The following ROBO1 variants were observed in gnomAD, a reference collection of about 807,000 sequenced individuals.
ROBO1 encodes roundabout guidance receptor 1, also known as roundabout homolog 1.
ROBO1 carries 149 observed loss-of-function variants against 195.9 expected under a neutral mutation model. That is an observed-to-expected ratio of 0.76 (90% CI 0.67 to 0.87). The LOEUF (loss-of-function observed/expected upper bound fraction) is 0.87, where lower values mean the gene tolerates loss of function less well. ROBO1 is among the 40% of genes least tolerant of loss of function. ROBO1 has a pLI of 0.00. For synonymous variants in ROBO1, 816 were observed against 733.2 expected (o/e 1.11, Z -1.82); for missense variants, 1,933 against 2,068.3 (o/e 0.93, Z 1.27).
chr3:78,732,280 T>C (rs1170335217), intron 5 of ROBO1, among the ~76,000 whole-genome samples: 1 of 152,060 alleles, frequency 6.6e-6, no homozygotes, highest in Non-Finnish European at 1.5e-5. Context: ...GAAGAACAAA[T>C]AGGTGCTATC....
intron 1 of ROBO1, among the ~76,000 whole-genome samples, chr3:79,723,943 A>G (rs1702806421): frequency 6.6e-6 from 1 of 152,222 alleles, no homozygotes; most frequent in Admixed American, 6.5e-5. Flanking sequence ...ACTGCCTTTC[A>G]TAGATTAGAA....
chr3:79,575,820 G>A (rs1379056113), intron 2 of ROBO1, among the ~76,000 whole-genome samples: 1 of 151,518 alleles, frequency 6.6e-6, no homozygotes, highest in Non-Finnish European at 1.5e-5. Flanking sequence ...CATCATTGTA[G>A]TCTAAAAATA....
At chr3:79,747,865 C>A (rs1703942352) in intron 1 of ROBO1, among the ~76,000 whole-genome samples, 1 of 151,824 alleles carries the variant, frequency 6.6e-6, no homozygotes, top group African/African-American at 2.4e-5. Flanking sequence ...GATCAAATAA[C>A]ACCACTATAA....
intron 2 of ROBO1, among the ~76,000 whole-genome samples, chr3:79,540,631 G>A (rs13084871): frequency 0.73 from 110,840 of 152,066 alleles, 41,512 homozygotes; most frequent in African/African-American, 0.92. Flanking sequence ...TGCTTTTAAC[G>A]TCTGAGTTCT....
intron 2 of ROBO1, among the ~76,000 whole-genome samples, chr3:79,488,301 T>C (rs116686819): frequency 0.013 from 1,915 of 152,196 alleles, 19 homozygotes; most frequent in Non-Finnish European, 0.018. Context: ...GCCCAACAAA[T>C]GGAGGGGGAA....
At chr3:79,203,947 T>C (rs1163708465) in intron 2 of ROBO1, among the ~76,000 whole-genome samples, 1 of 152,206 alleles carries the variant, frequency 6.6e-6, no homozygotes, top group African/African-American at 2.4e-5. Flanking sequence ...TGTGTGCAAT[T>C]GGTATCCTTT....
intron 3 of ROBO1, among the ~76,000 whole-genome samples, chr3:79,122,525 T>C (rs1283581484): frequency 2.6e-5 from 4 of 152,020 alleles, no homozygotes; most frequent in Non-Finnish European, 4.4e-5. Flanking sequence ...GAATGGTATA[T>C]GATATAAGCA....
Position 79,523,761 on chromosome 3 carries a change from A to G in ROBO1, c.88+66063T>C, listed in dbSNP as rs149581906. On this transcript the variant is annotated intron_variant, in intron 2 of 30. Coordinates refer to ENST00000464233, the MANE Select transcript of ROBO1 (RefSeq NM_002941.4). ...AGTGCTGGGATTACAGGCATGAGCC[A>G]CTGCGCTCGGCCTAGACTTTGCATT... Among the ~76,000 whole-genome samples, 296 of 152,292 alleles carry G rather than the reference A, an allele frequency of 1.9e-3. 1 individual carries two copies. The highest frequency in any genetic ancestry group is 6.7e-3 in the African/African-American group (278 of 41,564).
intron 21 of ROBO1, among the ~76,000 whole-genome samples, chr3:78,644,533 AAATGATCATTTCTACTT>A (rs1257609388): frequency 6.6e-6 from 1 of 152,194 alleles, no homozygotes; most frequent in East Asian, 1.9e-4. Context: ...TCATTTAGGA[AAATGATCATTTCTACTT>A]ACTATTTGAA....
intron 1 of ROBO1, among the ~76,000 whole-genome samples, chr3:79,746,166 T>C (rs1163582005): frequency 6.6e-6 from 1 of 152,076 alleles, no homozygotes; most frequent in Non-Finnish European, 1.5e-5. Flanking sequence ...GGGAAAGTTT[T>C]CAATTCCATT....
intron 10 of ROBO1, among the ~76,000 whole-genome samples, chr3:78,676,349 A>T (rs1360305266): frequency 6.6e-6 from 1 of 152,232 alleles, no homozygotes; most frequent in Non-Finnish European, 1.5e-5. Context: ...GAGTTGAGAG[A>T]AGAAGGCTTC....
intron 2 of ROBO1, among the ~76,000 whole-genome samples, chr3:79,275,515 G>C (rs1003313935): frequency 1.6e-4 from 24 of 151,886 alleles, no homozygotes; most frequent in African/African-American, 5.3e-4. Context: ...CAGACCCATA[G>C]CTGGTATCAT....
At chr3:79,614,044 A>G (rs933697568) in intron 1 of ROBO1, among the ~76,000 whole-genome samples, 1 of 152,110 alleles carries the variant, frequency 6.6e-6, no homozygotes, top group African/African-American at 2.4e-5. Context: ...AAAGAAATAG[A>G]GAAAACTACA....
intron 4 of ROBO1, among the ~76,000 whole-genome samples, chr3:78,828,191 C>A (rs1188370047): frequency 6.6e-6 from 1 of 152,084 alleles, no homozygotes; most frequent in Non-Finnish European, 1.5e-5. Context: ...ATTAATTTTA[C>A]TTCCTCTTCT....
chr3:79,554,368 A>G (rs1214820813), intron 2 of ROBO1, among the ~76,000 whole-genome samples: 1 of 152,084 alleles, frequency 6.6e-6, no homozygotes, highest in Non-Finnish European at 1.5e-5. Context: ...AGCAAAGCAC[A>G]AATAAAATGT....
chr3:78,802,707 G>GCATCATCAT (rs58983750), intron 4 of ROBO1, among the ~76,000 whole-genome samples: 3 of 149,634 alleles, frequency 2.0e-5, no homozygotes, highest in Non-Finnish European at 4.5e-5. Context: ...CTGCGGTCTA[G>GCATCATCAT]CATCATCATC....
intron 2 of ROBO1, among the ~76,000 whole-genome samples, chr3:79,493,840 TG>T (rs909041450): frequency 6.6e-6 from 1 of 152,198 alleles, no homozygotes; most frequent in African/African-American, 2.4e-5. Flanking sequence ...TCATTTCTTT[TG>T]TTAGAAACAT....
intron 2 of ROBO1, among the ~76,000 whole-genome samples, chr3:79,139,156 C>T (rs1178556122): frequency 2.0e-5 from 3 of 151,134 alleles, no homozygotes; most frequent in Non-Finnish European, 4.4e-5. Context: ...ATATTTTATG[C>T]TATTATATAT....
chr3:79,161,623 G>C (rs528367599), intron 2 of ROBO1, among the ~76,000 whole-genome samples: 22 of 152,028 alleles, frequency 1.4e-4, no homozygotes, highest in Non-Finnish European at 2.9e-4. Context: ...GATTATTGTT[G>C]CATTTCACAT....
Sources: allele counts gnomAD v4.1 joint callset (sites outside exome capture counted in the v4.1 genomes callset), GRCh38; gene constraint gnomAD v4.1.1; transcripts MANE v1.5; gene names NCBI Gene and HGNC (gene_info 2026-07-23, HGNC 2026-07-21).